The following KHDRBS3 variants were observed in gnomAD, a reference collection of about 807,000 sequenced individuals.
KHDRBS3 encodes KH domain-containing, RNA-binding, signal transduction-associated protein 3.
Under a neutral mutation model 45.6 loss-of-function variants are expected in KHDRBS3, and 23 were observed. The ratio of observed to expected loss-of-function variants is 0.50; its 90% CI spans 0.36 to 0.72. The LOEUF (loss-of-function observed/expected upper bound fraction) is 0.72, where lower values mean the gene tolerates loss of function less well. Among genes scored for constraint, KHDRBS3 ranks in the 30% least tolerant of loss-of-function variants. KHDRBS3 has a pLI of 0.00. For synonymous variants in KHDRBS3, 162 were observed against 156.5 expected (o/e 1.04, Z -0.26); for missense variants, 352 against 424.8 (o/e 0.83, Z 1.51).
intron 4 of KHDRBS3, among the ~76,000 whole-genome samples, chr8:135,653,157 C>CG (rs1361825671): frequency 6.6e-6 from 1 of 152,020 alleles, no homozygotes; most frequent in African/African-American, 2.4e-5. Context: ...GTGAAGTGTG[C>CG]GGGGATGGTG....
chr8:135,559,911 A>G (rs1450499540), intron 5 of KHDRBS3, among the ~76,000 whole-genome samples: 1 of 152,114 alleles, frequency 6.6e-6, no homozygotes, highest in Admixed American at 6.5e-5. Flanking sequence ...GAAAATGCAT[A>G]TAGATAAGTA....
intron 1 of KHDRBS3, among the ~76,000 whole-genome samples, chr8:135,499,400 C>T (rs1823620368): frequency 6.6e-6 from 1 of 152,182 alleles, no homozygotes; most frequent in African/African-American, 2.4e-5. Context: ...TAATTTAAAT[C>T]CACTTCTGCC....
intron 1 of KHDRBS3, among the ~76,000 whole-genome samples, chr8:135,483,394 G>C (rs1051666397): frequency 1.3e-5 from 2 of 152,156 alleles, no homozygotes; most frequent in African/African-American, 2.4e-5. Context: ...GTTTGTTGTG[G>C]TTTGTAACTG....
intron 6 of KHDRBS3, among the ~76,000 whole-genome samples, chr8:135,597,866 TAC>T (rs1263077227): frequency 6.6e-6 from 1 of 152,226 alleles, no homozygotes. Flanking sequence ...TTTTTTAATT[TAC>T]AGTTAGTTTT....
At chr8:135,598,712 G>A (rs774935745) in intron 6 of KHDRBS3, among the ~76,000 whole-genome samples, 3 of 152,086 alleles carry the variant, frequency 2.0e-5, no homozygotes, top group African/African-American at 4.8e-5. Context: ...ACACTGCATC[G>A]ACCCGGATAC....
chr8:135,566,899 A>G (rs566177683), intron 5 of KHDRBS3, among the ~76,000 whole-genome samples: 1 of 152,284 alleles, frequency 6.6e-6, no homozygotes, highest in Non-Finnish European at 1.5e-5. Context: ...AGACATGCAT[A>G]TTACAAAGCC....
chr8:135,480,263 CA>C (rs1365796790), intron 1 of KHDRBS3, among the ~76,000 whole-genome samples: 1 of 152,034 alleles, frequency 6.6e-6, no homozygotes, highest in Admixed American at 6.6e-5. Flanking sequence ...ACTTCTATTC[CA>C]CATTGTCTTG....
At chr8:135,590,216 C>A (rs1828683673) in intron 6 of KHDRBS3, among the ~76,000 whole-genome samples, 4 of 152,310 alleles carry the variant, frequency 2.6e-5, no homozygotes, top group Admixed American at 2.6e-4. Context: ...GCATCTGTGT[C>A]TGTAAACGTG....
At chr8:135,535,483 T>G (rs1434112384) in intron 2 of KHDRBS3, among the ~76,000 whole-genome samples, 1 of 150,114 alleles carries the variant, frequency 6.7e-6, no homozygotes, top group African/African-American at 2.4e-5. Flanking sequence ...ACTCATAATT[T>G]CTGTAGAATA....
At chr8:135,593,388 G>C (rs34849451) in intron 6 of KHDRBS3, 1 of 152,042 alleles carries the variant, frequency 6.6e-6, no homozygotes, top group Admixed American at 6.5e-5. Context: ...TTATCTTAGA[G>C]TAATGTAAGT....
intron 1 of KHDRBS3, among the ~76,000 whole-genome samples, chr8:135,464,715 T>G (rs919454612): frequency 6.6e-6 from 1 of 152,248 alleles, no homozygotes; most frequent in African/African-American, 2.4e-5. Flanking sequence ...TTATGTATGT[T>G]ATTTCATTGA....
chr8:135,643,600 T>A (rs1831157276), intron 7 of KHDRBS3, among the ~76,000 whole-genome samples: 2 of 152,228 alleles, frequency 1.3e-5, no homozygotes. Context: ...GCTCCATTGC[T>A]TACACTTTTC....
At chr8:135,566,671 A>G (rs1827433873) in intron 5 of KHDRBS3, among the ~76,000 whole-genome samples, 2 of 152,156 alleles carry the variant, frequency 1.3e-5, no homozygotes, top group Admixed American at 1.3e-4. Flanking sequence ...CATGGGCTGT[A>G]TAGTGAGACT....
chr8:135,598,035 A>G (rs1829047691), intron 6 of KHDRBS3, among the ~76,000 whole-genome samples: 1 of 152,224 alleles, frequency 6.6e-6, no homozygotes, highest in Non-Finnish European at 1.5e-5. Context: ...TGACACAGAC[A>G]TATTTTAAAA....
At chr8:135,619,974 A>G (rs577085431) in intron 7 of KHDRBS3, among the ~76,000 whole-genome samples, 40 of 152,294 alleles carry the variant, frequency 2.6e-4, no homozygotes, top group Non-Finnish European at 4.0e-4. Context: ...AAATATAGCA[A>G]TATTGCTAGT....
At chr8:135,470,882 A>G (rs901718437) in intron 1 of KHDRBS3, among the ~76,000 whole-genome samples, 8 of 152,100 alleles carry the variant, frequency 5.3e-5, no homozygotes, top group Admixed American at 3.3e-4. Context: ...CACCCCGCCC[A>G]GCTGGGTTTT....
chr8:135,526,190 A>G lies in KHDRBS3; in HGVS notation c.207+4835A>G, dbSNP rs78880966. 1.0e-3 allele frequency among the ~76,000 whole-genome samples: 158 copies of G among 152,256 alleles called. 1 individual carries two copies. The highest frequency in any genetic ancestry group is 3.0e-3 in the African/African-American group (126 of 41,554). ...TGCACAATGAGGAAATCACCTGACA[A>G]TGCATTTCTCGGAATGTGTTCACAT... On this transcript the variant is annotated intron_variant, in intron 2 of 8. Transcript: ENST00000355849.
At chr8:135,514,788 C>T (rs1293937875) in intron 1 of KHDRBS3, among the ~76,000 whole-genome samples, 1 of 152,078 alleles carries the variant, frequency 6.6e-6, no homozygotes, top group African/African-American at 2.4e-5. Flanking sequence ...GCTCTCTAAC[C>T]TTTGCAAACT....
chr8:135,573,233 A>G (rs1166278028), intron 5 of KHDRBS3, among the ~76,000 whole-genome samples: 2 of 152,202 alleles, frequency 1.3e-5, no homozygotes, highest in Non-Finnish European at 2.9e-5. Context: ...GGCATCTACC[A>G]CTGAATTCAT....
Sources: allele counts gnomAD v4.1 joint callset (sites outside exome capture counted in the v4.1 genomes callset), GRCh38; gene constraint gnomAD v4.1.1; transcripts MANE v1.5; gene names NCBI Gene and HGNC (gene_info 2026-07-23, HGNC 2026-07-21).